The following AKT3 variants were observed in gnomAD, a reference collection of about 807,000 sequenced individuals.
The protein encoded by AKT3 is RAC-gamma serine/threonine-protein kinase.
In AKT3, 15 loss-of-function variants were observed where a neutral mutation model predicts 65.3. The ratio of observed to expected loss-of-function variants is 0.23; its 90% CI spans 0.15 to 0.35. The LOEUF (loss-of-function observed/expected upper bound fraction) is 0.35, where lower values mean the gene tolerates loss of function less well. Among genes scored for constraint, AKT3 ranks in the 10% least tolerant of loss-of-function variants. The probability of loss-of-function intolerance (pLI) is 1.00; values close to 1 mark genes in which losing one functional copy is unlikely to be tolerated. For synonymous variants in AKT3, 206 were observed against 183.8 expected (o/e 1.12, Z -0.98); for missense variants, 243 against 576.5 (o/e 0.42, Z 5.92).
intron 13 of AKT3, among the ~76,000 whole-genome samples, chr1:243,510,293 C>T (rs920852796): frequency 4.6e-5 from 7 of 152,172 alleles, no homozygotes; most frequent in South Asian, 2.1e-4. Context: ...TTATTGAATA[C>T]GCACACTGTG....
chr1:243,668,392 G>A (rs560591708), intron 3 of AKT3, among the ~76,000 whole-genome samples: 1 of 152,154 alleles, frequency 6.6e-6, no homozygotes, highest in Non-Finnish European at 1.5e-5. Context: ...GCAATTAGGA[G>A]TACAGAAGCA....
chr1:243,778,216 G>C (rs922876806), intron 2 of AKT3, among the ~76,000 whole-genome samples: 2 of 151,874 alleles, frequency 1.3e-5, no homozygotes, highest in Non-Finnish European at 2.9e-5. Flanking sequence ...TTTTCTACTG[G>C]GAATACAGTG....
intron 3 of AKT3, among the ~76,000 whole-genome samples, chr1:243,685,117 A>G (rs1219563626): frequency 6.6e-6 from 1 of 152,150 alleles, no homozygotes; most frequent in African/African-American, 2.4e-5. Context: ...GTTCACTCTA[A>G]TGATAGTTTC....
intron 6 of AKT3, among the ~76,000 whole-genome samples, chr1:243,635,419 T>A (rs1178397415): frequency 6.7e-6 from 1 of 149,952 alleles, no homozygotes; most frequent in Non-Finnish European, 1.5e-5. Context: ...GAAAAAAAAA[T>A]AAAGATTAAA....
intron 3 of AKT3, among the ~76,000 whole-genome samples, chr1:243,671,244 A>C (rs1195367915): frequency 6.6e-6 from 1 of 151,780 alleles, no homozygotes; most frequent in Non-Finnish European, 1.5e-5. Flanking sequence ...CATCCAGCTA[A>C]TTTTTTTGTA....
intron 2 of AKT3, among the ~76,000 whole-genome samples, chr1:243,746,661 G>T (rs1688488078): frequency 6.6e-6 from 1 of 152,184 alleles, no homozygotes; most frequent in South Asian, 2.1e-4. Flanking sequence ...AAGATGAGGG[G>T]TCTCATAACC....
intron 2 of AKT3, among the ~76,000 whole-genome samples, chr1:243,705,666 C>G (rs774543053): frequency 6.6e-6 from 1 of 152,144 alleles, no homozygotes; most frequent in Non-Finnish European, 1.5e-5. Context: ...AGCATCCACA[C>G]GGACTAGCCA....
intron 8 of AKT3, among the ~76,000 whole-genome samples, chr1:243,586,424 A>G (rs1186316921): frequency 6.6e-6 from 1 of 152,230 alleles, no homozygotes; most frequent in Admixed American, 6.5e-5. Context: ...AAATTGTTCT[A>G]TAAAGTAGAC....
chr1:243,581,991 T>G (rs1314110134), intron 8 of AKT3, among the ~76,000 whole-genome samples: 1 of 151,816 alleles, frequency 6.6e-6, no homozygotes, highest in Non-Finnish European at 1.5e-5. Context: ...GAAGAAAGAC[T>G]TGCAGAGCCT....
At chr1:243,666,256 G>A (rs949828541) in intron 3 of AKT3, among the ~76,000 whole-genome samples, 3 of 152,070 alleles carry the variant, frequency 2.0e-5, no homozygotes, top group African/African-American at 4.8e-5. Flanking sequence ...CGCCCGCCTC[G>A]GCCTCCCAAA....
chr1:243,731,147 T>C (rs925608489), intron 2 of AKT3, among the ~76,000 whole-genome samples: 2 of 152,216 alleles, frequency 1.3e-5, no homozygotes, highest in African/African-American at 4.8e-5. Flanking sequence ...ATTTCGATTA[T>C]TTCTGCTCAT....
In AKT3 at chr1:243,751,130, A is replaced by G. The variant is rs1159847625; in HGVS notation, c.47-55414T>C. ...TCTAATTTACACCAAACTCAACATA[A>G]TTTTCTTAAATGCTTCTCAAAAAAA... On this transcript the variant is annotated intron_variant, in intron 2 of 13. Coordinates refer to ENST00000673466, the MANE Select transcript of AKT3 (RefSeq NM_005465.7). Among the ~76,000 whole-genome samples the G allele has an allele frequency of 2.0e-5, 3 of 151,754 alleles. No homozygotes were observed. The South Asian group carries it at 6.3e-4, about 32-fold the overall frequency.
chr1:243,723,451 A>C (rs922850726), intron 2 of AKT3, among the ~76,000 whole-genome samples: 1 of 152,236 alleles, frequency 6.6e-6, no homozygotes, highest in Non-Finnish European at 1.5e-5. Flanking sequence ...AATGCAAGTT[A>C]AATGTTCTCT....
At chr1:243,819,006 G>C (rs540264380) in intron 2 of AKT3, among the ~76,000 whole-genome samples, 16 of 152,374 alleles carry the variant, frequency 1.1e-4, no homozygotes, top group Admixed American at 9.8e-4. Context: ...CCACAGATCT[G>C]TGCAACCCGT....
chr1:243,494,543 C>T (rs1667330913), intron 13 of AKT3, among the ~76,000 whole-genome samples: 1 of 152,184 alleles, frequency 6.6e-6, no homozygotes, highest in African/African-American at 2.4e-5. Flanking sequence ...CAACAGCAGA[C>T]AGTTAAACTT....
intron 2 of AKT3, among the ~76,000 whole-genome samples, chr1:243,707,689 T>C (rs1366568038): frequency 6.6e-6 from 1 of 152,090 alleles, no homozygotes; most frequent in Non-Finnish European, 1.5e-5. Context: ...ACCTCATTAT[T>C]TTGACATCAG....
chr1:243,638,858 T>C (rs997953938), intron 5 of AKT3, among the ~76,000 whole-genome samples: 2 of 151,596 alleles, frequency 1.3e-5, no homozygotes, highest in African/African-American at 4.8e-5. Context: ...CCAAAAGAGT[T>C]AGAAGAAAAT....
rs553211427 is a variant in AKT3, at chr1:243,633,960, A to G, written c.561+3651T>C. On this transcript the variant is annotated intron_variant, in intron 6 of 13. Transcript: ENST00000673466. ...TGAAAATATAGCAGTTCCCCTTATT[A>G]GTGGAGGATATGTTTTGAGACCCTG... Among the ~76,000 whole-genome samples, 3 of 152,130 alleles carry G rather than the reference A, an allele frequency of 2.0e-5. No individual in the cohort carries two copies. In the South Asian group the frequency reaches 6.2e-4, roughly 32 times the overall value.
At chr1:243,681,649 A>C (rs1683927182) in intron 3 of AKT3, among the ~76,000 whole-genome samples, 1 of 152,170 alleles carries the variant, frequency 6.6e-6, no homozygotes, top group Admixed American at 6.6e-5. Flanking sequence ...CGAAAGTTCT[A>C]TGGGTGCTGA....
Sources: gnomAD v4.1 joint callset for allele counts (sites outside exome capture counted in the v4.1 genomes callset) on GRCh38, gnomAD v4.1.1 for gene constraint, MANE v1.5 for transcripts, NCBI Gene and HGNC (gene_info 2026-07-23, HGNC 2026-07-21) for gene names.